Variants in L3MBTL4 observed in about 807,000 individuals in gnomAD.
L3MBTL4 encodes the protein lethal(3)malignant brain tumor-like protein 4.
Under a neutral mutation model 84.5 loss-of-function variants are expected in L3MBTL4, and 70 were observed. The ratio of observed to expected loss-of-function variants is 0.83; its 90% CI spans 0.68 to 1.01. L3MBTL4 has a LOEUF of 1.01. L3MBTL4 is among the 50% of genes least tolerant of loss of function. The pLI, the probability that L3MBTL4 is intolerant of heterozygous loss-of-function variation, is 0.00. For synonymous variants in L3MBTL4, 274 were observed against 259.8 expected (o/e 1.05, Z -0.52); for missense variants, 715 against 754.8 (o/e 0.95, Z 0.62).
chr18:6,035,154 T>G (rs1374014217), intron 16 of L3MBTL4, among the ~76,000 whole-genome samples: 2 of 150,406 alleles, frequency 1.3e-5, no homozygotes, highest in East Asian at 3.9e-4. Flanking sequence ...TTAGTTTAAT[T>G]AGATCCCATT....
At chr18:6,270,247 G>A (rs1354954079) in intron 4 of L3MBTL4, among the ~76,000 whole-genome samples, 1 of 152,176 alleles carries the variant, frequency 6.6e-6, no homozygotes. Context: ...CCTCTGCCAG[G>A]TCACTGTGAC....
At chr18:6,377,669 T>C (rs1403671954) in intron 1 of L3MBTL4, among the ~76,000 whole-genome samples, 1 of 152,228 alleles carries the variant, frequency 6.6e-6, no homozygotes, top group Admixed American at 6.5e-5. Flanking sequence ...TTTTTATGGC[T>C]GCATAGTATT....
rs73381925 is a variant in L3MBTL4, at chr18:6,143,235, A to T, written c.1097-4939T>A. ...TGATGTTTTTAATATTTATCAATGCATATTTATCTCCATATCCCTGATAGG... is the reference window on the plus strand; with the variant it reads ...TGATGTTTTTAATATTTATCAATGCTTATTTATCTCCATATCCCTGATAGG... On this transcript the variant is annotated intron_variant, in intron 13 of 18. Coordinates refer to ENST00000317931, the MANE Select transcript of L3MBTL4 (RefSeq NM_001330559.2). 4.6e-5 allele frequency among the ~76,000 whole-genome samples: 7 copies of T among 152,258 alleles called. No individual in the cohort carries two copies. In the East Asian group the frequency reaches 1.3e-3, roughly 29 times the overall value.
chr18:6,370,397 A>G (rs2054111000), intron 1 of L3MBTL4, among the ~76,000 whole-genome samples: 1 of 152,234 alleles, frequency 6.6e-6, no homozygotes, highest in African/African-American at 2.4e-5. Flanking sequence ...TAAAGGAGCA[A>G]TGAAGTCAGC....
chr18:6,139,884 T>A (rs2060142339), intron 13 of L3MBTL4, among the ~76,000 whole-genome samples: 1 of 152,176 alleles, frequency 6.6e-6, no homozygotes, highest in Non-Finnish European at 1.5e-5. Flanking sequence ...ATCTGCCCAC[T>A]GTTTCCACAT....
chr18:6,301,867 C>T, intron 4 of L3MBTL4, 36 bp downstream of exon 4: 2 of 1,524,372 alleles, frequency 1.3e-6, no homozygotes, highest in Non-Finnish European at 9.1e-7. Flanking sequence ...AATTTGTTCA[C>T]TGTGAACTAC....
Position 5,955,356 on chromosome 18 carries a change from T to G in L3MBTL4, c.*864A>C, listed in dbSNP as rs1599549778. Reference sequence around the variant, plus strand: ...ATAACACAGCTCCTTATTACAGGGGTTCTGGCAGACTGCAGTGGAAATGAG... The same window carrying G: ...ATAACACAGCTCCTTATTACAGGGGGTCTGGCAGACTGCAGTGGAAATGAG... On this transcript the variant is annotated 3_prime_UTR_variant, in exon 19 of 19. Transcript: ENST00000317931. 1 of 152,268 alleles carries G rather than the reference T, an allele frequency of 6.6e-6. No individual in the cohort carries two copies. The highest frequency in any genetic ancestry group is 1.9e-4 in the East Asian group (1 of 5,174). The allele number at this position is 152,268 out of a possible 1,614,324, so 9.4% of individuals were successfully genotyped here.
chr18:6,058,965 T>C (rs1482114830), intron 16 of L3MBTL4, among the ~76,000 whole-genome samples: 1 of 152,176 alleles, frequency 6.6e-6, no homozygotes, highest in Non-Finnish European at 1.5e-5. Context: ...ATTATTCCAG[T>C]AATAAGATCT....
chr18:6,225,162 A>C (rs2046726079), intron 10 of L3MBTL4, among the ~76,000 whole-genome samples: 1 of 152,226 alleles, frequency 6.6e-6, no homozygotes, highest in Admixed American at 6.5e-5. Flanking sequence ...AGGAGATCTA[A>C]AGTTCCAAAG....
intron 13 of L3MBTL4, among the ~76,000 whole-genome samples, chr18:6,157,318 A>G (rs1287735852): frequency 6.6e-6 from 1 of 152,234 alleles, no homozygotes; most frequent in African/African-American, 2.4e-5. Context: ...TTAGGCTAAC[A>G]ATATTTTTTC....
chr18:6,311,694 G>A, intron 2 of L3MBTL4, 38 bp from the exon 3 acceptor site: 1 of 1,163,902 alleles, frequency 8.6e-7, no homozygotes, highest in Non-Finnish European at 1.3e-6. Flanking sequence ...GGGGATGGGG[G>A]TGTGACCCCT....
At chr18:6,171,740 A>ACAGGATTC in intron 13 of L3MBTL4, 88 bp downstream of exon 13, 1 of 695,730 alleles carries the variant, frequency 1.4e-6, no homozygotes, top group Middle Eastern at 2.5e-4. Context: ...TTAGCTTTCA[A>ACAGGATTC]ATGCCTGTAA....
intron 16 of L3MBTL4, among the ~76,000 whole-genome samples, chr18:5,981,962 G>A (rs929261564): frequency 2.2e-5 from 3 of 135,652 alleles, no homozygotes; most frequent in Non-Finnish European, 4.6e-5. Context: ...GGAACAAAAA[G>A]GTTTCAATAT....
intron 16 of L3MBTL4, among the ~76,000 whole-genome samples, chr18:6,066,267 T>C (rs1002340169): frequency 1.3e-5 from 2 of 152,176 alleles, no homozygotes; most frequent in African/African-American, 4.8e-5. Flanking sequence ...ACTTGTTTTA[T>C]GGTCTATCAT....
At chr18:6,030,263 T>A in intron 16 of L3MBTL4, 1 of 981,498 alleles carries the variant, frequency 1.0e-6, no homozygotes, top group African/African-American at 1.7e-5. Context: ...GATACCCCCT[T>A]ATACCTGTTG....
intron 14 of L3MBTL4, among the ~76,000 whole-genome samples, chr18:6,135,627 C>T (rs1453085744): frequency 1.3e-5 from 2 of 150,120 alleles, no homozygotes; most frequent in East Asian, 3.9e-4. Flanking sequence ...TAAAACATAA[C>T]AAGAGTCACC....
chr18:6,355,232 A>C (rs1289632057), intron 1 of L3MBTL4, among the ~76,000 whole-genome samples: 1 of 152,064 alleles, frequency 6.6e-6, no homozygotes, highest in East Asian at 1.9e-4. Flanking sequence ...GAGCACAGAT[A>C]CTCCTTTCCA....
intron 4 of L3MBTL4, among the ~76,000 whole-genome samples, chr18:6,278,443 C>T (rs2146550524): frequency 6.6e-6 from 1 of 152,238 alleles, no homozygotes; most frequent in East Asian, 1.9e-4. Flanking sequence ...ATTATACCTC[C>T]TTAGTAATAT....
chr18:6,325,501 A>T (rs916585404), intron 1 of L3MBTL4, among the ~76,000 whole-genome samples: 3 of 152,172 alleles, frequency 2.0e-5, no homozygotes, highest in South Asian at 2.1e-4. Context: ...TACCATTTTT[A>T]AAATACAAAA....
Sources: gnomAD v4.1 joint callset for allele counts (sites outside exome capture counted in the v4.1 genomes callset) on GRCh38, gnomAD v4.1.1 for gene constraint, MANE v1.5 for transcripts, NCBI Gene and HGNC (gene_info 2026-07-23, HGNC 2026-07-21) for gene names.